The following SLC29A1 variants were observed in gnomAD, a reference collection of about 807,000 sequenced individuals.
The protein encoded by SLC29A1 is equilibrative nucleoside transporter 1.
Under a neutral mutation model 48.3 loss-of-function variants are expected in SLC29A1, and 22 were observed. The ratio of observed to expected loss-of-function variants is 0.46; its 90% CI spans 0.33 to 0.65. SLC29A1 has a LOEUF of 0.65. Ranked by LOEUF, SLC29A1 falls within the 30% of genes least tolerant of loss-of-function variation. The pLI, the probability that SLC29A1 is intolerant of heterozygous loss-of-function variation, is 0.03. For synonymous variants in SLC29A1, 228 were observed against 231.0 expected, an observed-to-expected ratio of 0.99 and a Z score of 0.12; for missense variants, 491 against 575.3, an observed-to-expected ratio of 0.85 and a Z score of 1.50.
upstream of SLC29A1, chr6:44,219,629 G>A (rs544455544): frequency 1.8e-5 from 20 of 1,103,438 alleles, no homozygotes; most frequent in South Asian, 2.7e-4. Context: ...CTTCCGCCCG[G>A]CGGCCCACAC....
rs1217432870 is a variant in SLC29A1 at position 44,230,052 on chromosome 6, C to T, written c.454+6C>T. On this transcript the variant is annotated splice_donor_region_variant and intron_variant, in intron 5 of 12. Coordinates refer to ENST00000371755, the MANE Select transcript of SLC29A1 (RefSeq NM_001372327.1). ...CAAGATCGTGCTCATTAATTGTAAG[C>T]TGGGCCAGGAGGGGGCCTATGGGAG... is the stretch of plus-strand genomic sequence containing the variant. The T allele has an allele frequency of 6.9e-6, 11 of 1,604,612 alleles. No individual in the cohort carries two copies. Among genetic ancestry groups the T allele is most frequent in the Non-Finnish European group, 8.5e-6 (10 of 1,179,962 alleles).
At chr6:44,225,812 A>G (rs1377973616) in intron 1 of SLC29A1, 2 of 151,952 alleles carry the variant, frequency 1.3e-5, no homozygotes, top group Admixed American at 6.6e-5. Context: ...AGCCCGTGGA[A>G]GGTCTCATGG....
rs202145762 is a variant in SLC29A1, at chr6:44,231,637, C to CT, written c.864+184dup. Among the ~76,000 whole-genome samples, 1,062 of 151,788 alleles carry CT rather than the reference C, an allele frequency of 7.0e-3. 17 individuals are homozygous for CT. The highest frequency in any genetic ancestry group is 0.024 in the African/African-American group (986 of 41,396). Reference sequence around the variant, plus strand: ...TGCCGGGGGTGGGGATTCGTGGTTCCTTTTTTTTGAGACAGAGTTTCACAC... The same window carrying CT: ...TGCCGGGGGTGGGGATTCGTGGTTCCTTTTTTTTTGAGACAGAGTTTCACAC... On this transcript the variant is annotated intron_variant, in intron 9 of 12. Coordinates refer to ENST00000371755, the MANE Select transcript of SLC29A1 (RefSeq NM_001372327.1).
chr6:44,231,748 C>T (rs1320759817), intron 9 of SLC29A1, among the ~76,000 whole-genome samples: 3 of 152,320 alleles, frequency 2.0e-5, no homozygotes, highest in African/African-American at 7.2e-5. Flanking sequence ...CCTGCCTCAG[C>T]CTCCCAAGTA....
chr6:44,227,252 GC>G lies in SLC29A1; in HGVS notation c.-51-6del. The G allele has an allele frequency of 6.2e-7, 1 of 1,611,190 alleles. No individual in the cohort carries two copies. On this transcript the variant is annotated splice_polypyrimidine_tract_variant and intron_variant, in intron 1 of 12. Transcript: ENST00000371755. ...CAAGACAGGGCCTCACACTGTTCCT[GC>G]CCCCAGCAGGCCCCTGAGGGAGGGA...
chr6:44,228,311 A>C (rs550741241), intron 2 of SLC29A1, among the ~76,000 whole-genome samples: 12 of 152,154 alleles, frequency 7.9e-5, no homozygotes, highest in African/African-American at 2.6e-4. Flanking sequence ...TACTCCCCCC[A>C]ACCCCGATCC....
chr6:44,221,714 A>C (rs1561872158), upstream of SLC29A1: 1 of 1,190,632 alleles, frequency 8.4e-7, no homozygotes, highest in Admixed American at 2.3e-5. This position sits in a 1 kb window ranked among gnomAD's most constrained non-coding sequence, Gnocchi z 4.2. Context: ...GCTGTCCAGC[A>C]GGGGGCCCTG....
At position 44,227,298 on chromosome 6, in the gene SLC29A1, C is replaced by T. The variant is rs763500292; in HGVS notation, c.-16C>T. The T allele has an allele frequency of 9.9e-6, 16 of 1,614,076 alleles. No homozygotes were observed. Among genetic ancestry groups the T allele is most frequent in the East Asian group, 8.9e-5 (4 of 44,876 alleles). Reference sequence around the variant, plus strand: ...GAGGGAGCTGTCAGCCAGGGAAAACCGAGAACACCATCACCATGACAACCA... The same window carrying T: ...GAGGGAGCTGTCAGCCAGGGAAAACTGAGAACACCATCACCATGACAACCA... On this transcript the variant is annotated 5_prime_UTR_variant, in exon 2 of 13. Coordinates refer to ENST00000371755, the MANE Select transcript of SLC29A1 (RefSeq NM_001372327.1).
chr6:44,220,782 G>A (rs1776318010), upstream of SLC29A1, among the ~76,000 whole-genome samples: 1 of 151,404 alleles, frequency 6.6e-6, no homozygotes, highest in South Asian at 2.1e-4. Flanking sequence ...CCAAGATCAC[G>A]CCACTGCACT....
At chr6:44,219,761 G>A, upstream of SLC29A1, 1 of 1,288,688 alleles carries the variant, frequency 7.8e-7, no homozygotes, top group Non-Finnish European at 1.0e-6. Context: ...AAGTCCGGAT[G>A]CTCACTCCAA....
intron 2 of SLC29A1, among the ~76,000 whole-genome samples, chr6:44,227,795 A>G (rs1036680205): frequency 6.6e-6 from 1 of 152,200 alleles, no homozygotes; most frequent in Non-Finnish European, 1.5e-5. Context: ...ACTTGCAGTT[A>G]TGACTGTGAA....
intron 1 of SLC29A1, chr6:44,226,697 G>A: frequency 1.0e-6 from 1 of 978,668 alleles, no homozygotes; most frequent in East Asian, 1.1e-4. Flanking sequence ...CCCAGGGAGG[G>A]TGGAGAGACC....
In SLC29A1 at chr6:44,233,856, ATG is replaced by A. The variant is rs528640310; in HGVS notation, c.*332_*333del. The A allele has an allele frequency of 3.7e-4, 124 of 337,740 alleles. 3 individuals carry two copies. In the East Asian group the frequency reaches 7.8e-3, roughly 21 times the overall value. The allele number at this position is 337,740 out of a possible 1,614,324, so 20.9% of individuals were successfully genotyped here. ...TTGGAGAACACGTGTGTCTCTGTGT[ATG>A]TGTCTGTGTGTCTGCGTCCGTGTCT... On this transcript the variant is annotated 3_prime_UTR_variant, in exon 13 of 13. Transcript: ENST00000371755.
intron 2 of SLC29A1, among the ~76,000 whole-genome samples, chr6:44,228,069 C>G (rs1017346191): frequency 2.0e-5 from 3 of 152,188 alleles, no homozygotes; most frequent in African/African-American, 7.2e-5. Flanking sequence ...GACTGTTTTT[C>G]CACCTGTAAA....
At position 44,224,026 on chromosome 6, in the gene SLC29A1, A is replaced by ATGGT. The variant is rs1264158323; in HGVS notation, c.-52+385_-52+386insTGGT. On this transcript the variant is annotated intron_variant, in intron 1 of 12. Transcript: ENST00000371755. ...GGTATGGGGATGGGGATGGGGATGG[A>ATGGT]GGCTCGCGAGCGGAGGTGCAGGCTC... The ATGGT allele has an allele frequency of 9.2e-5, 4 of 43,374 alleles. No individual in the cohort carries two copies. In the African/African-American group the frequency reaches 5.3e-3, roughly 58 times the overall value. 2.7% of individuals were successfully genotyped at this position (43,374 alleles called of 1,614,324 possible). A position where few individuals can be genotyped will look rare whatever the true frequency, so the allele number is the denominator to read the frequency against.
intron 2 of SLC29A1, among the ~76,000 whole-genome samples, chr6:44,228,429 G>A (rs902307038): frequency 6.6e-6 from 1 of 152,230 alleles, no homozygotes; most frequent in Non-Finnish European, 1.5e-5. Flanking sequence ...GGGGGCTGCA[G>A]TTGCATTAAC....
chr6:44,232,088 G>T lies in SLC29A1; in HGVS notation c.955G>T (p.Ala319Ser), dbSNP rs778955662. 4 of 1,612,878 alleles carry T rather than the reference G, an allele frequency of 2.5e-6. No homozygotes were observed. Among genetic ancestry groups the T allele is most frequent in the Non-Finnish European group, 3.4e-6 (4 of 1,179,066 alleles). ...AVTVEVKSSI[A>S]GSSTWERYFI... ...GACTGTTGAGGTCAAGTCCAGCATC[G>T]CAGGCAGCAGCACCTGGGGTGAGGA... Residue 319 changes from alanine to serine, a missense_variant, in exon 10 of 13, where the codon GCA (alanine) becomes TCA (serine). Transcript: ENST00000371755. This position sits in a 1 kb window ranked among gnomAD's most constrained non-coding sequence, Gnocchi z 4.7.
intron 1 of SLC29A1, 96 bp from the exon 2 acceptor site, chr6:44,227,167 C>T: frequency 7.1e-7 from 1 of 1,414,416 alleles, no homozygotes; most frequent in Non-Finnish European, 9.6e-7. Context: ...CCTCCACTGG[C>T]CTGTTCTGTC....
chr6:44,231,940 T>G, intron 9 of SLC29A1, 58 bp from the exon 10 acceptor site: 1 of 1,313,000 alleles, frequency 7.6e-7, no homozygotes, highest in Non-Finnish European at 1.1e-6. Flanking sequence ...CGTGGTTCTT[T>G]AATGCACAGC....
Sources: allele counts gnomAD v4.1 joint callset (sites outside exome capture counted in the v4.1 genomes callset), GRCh38; gene constraint gnomAD v4.1.1; non-coding constraint Gnocchi (gnomAD v3.1); transcripts MANE v1.5; gene names NCBI Gene and HGNC (gene_info 2026-07-23, HGNC 2026-07-21).